The following FUT9 variants were observed in gnomAD, a reference collection of about 807,000 sequenced individuals.
FUT9 encodes 4-galactosyl-N-acetylglucosaminide 3-alpha-L-fucosyltransferase 9.
In FUT9, 15 loss-of-function variants were observed where a neutral mutation model predicts 29.7. That is an observed-to-expected ratio of 0.51 (90% CI 0.34 to 0.78). The LOEUF (loss-of-function observed/expected upper bound fraction) is 0.78, where lower values mean the gene tolerates loss of function less well. Among genes scored for constraint, FUT9 ranks in the 30% least tolerant of loss-of-function variants. The pLI, the probability that FUT9 is intolerant of heterozygous loss-of-function variation, is 0.01. For missense variants in FUT9, 319 were observed against 425.4 expected (o/e 0.75, Z 2.20); for synonymous variants, 169 against 153.7 (o/e 1.10, Z -0.74).
intron 1 of FUT9, among the ~76,000 whole-genome samples, chr6:96,024,913 C>T (rs1770136710): frequency 6.6e-6 from 1 of 151,858 alleles, no homozygotes; most frequent in Admixed American, 6.6e-5. Context: ...AGGAGTAAAG[C>T]TTCCTTATAG....
At chr6:96,172,770 A>G (rs1480285648) in intron 2 of FUT9, among the ~76,000 whole-genome samples, 2 of 151,754 alleles carry the variant, frequency 1.3e-5, no homozygotes, top group Non-Finnish European at 2.9e-5. Flanking sequence ...CATGCACAAA[A>G]TTCTCATTTG....
At chr6:96,046,241 ACACC>A (rs1351309504) in intron 1 of FUT9, among the ~76,000 whole-genome samples, 3 of 150,824 alleles carry the variant, frequency 2.0e-5, no homozygotes, top group Non-Finnish European at 3.0e-5. Context: ...ACACACACAC[ACACC>A]CCTGAAGCAA....
At chr6:96,035,216 G>A (rs551840780) in intron 1 of FUT9, among the ~76,000 whole-genome samples, 1 of 150,824 alleles carries the variant, frequency 6.6e-6, no homozygotes, top group East Asian at 2.0e-4. Context: ...AGGAAATGAG[G>A]AAAAAAGAGA....
In FUT9 at chr6:96,205,629, T is replaced by A. The variant is rs545633519; in HGVS notation, c.*1394T>A. 1 of 166,850 alleles carries A rather than the reference T, an allele frequency of 6.0e-6. No individual in the cohort carries two copies. The highest frequency in any genetic ancestry group is 1.9e-4 in the East Asian group (1 of 5,172). 10.3% of individuals were successfully genotyped at this position (166,850 alleles called of 1,614,324 possible). ...GAGGAGAGCTGGATATAAGCAGAGA[T>A]CGTAGGTGAAAAAAGATGGGCCATT... is the stretch of plus-strand genomic sequence containing the variant. On this transcript the variant is annotated 3_prime_UTR_variant, in exon 3 of 3. Coordinates refer to ENST00000302103, the MANE Select transcript of FUT9 (RefSeq NM_006581.4).
intron 1 of FUT9, among the ~76,000 whole-genome samples, chr6:96,046,412 C>A (rs549232762): frequency 2.6e-5 from 4 of 152,274 alleles, no homozygotes; most frequent in Middle Eastern, 6.8e-3. Flanking sequence ...TATTAACCTA[C>A]AACTCCATTT....
At chr6:96,062,152 C>T (rs1429073884) in intron 1 of FUT9, among the ~76,000 whole-genome samples, 1 of 151,896 alleles carries the variant, frequency 6.6e-6, no homozygotes, top group East Asian at 1.9e-4. Context: ...AGCAAACCTG[C>T]ATGTTCTGCA....
intron 2 of FUT9, among the ~76,000 whole-genome samples, chr6:96,139,818 T>A (rs1207103533): frequency 6.6e-6 from 1 of 152,070 alleles, no homozygotes; most frequent in South Asian, 2.1e-4. Flanking sequence ...GGGCACCATG[T>A]CCTGAGGCTG....
intron 1 of FUT9, among the ~76,000 whole-genome samples, chr6:96,109,093 T>C (rs1281589652): frequency 6.6e-6 from 1 of 152,242 alleles, no homozygotes; most frequent in Non-Finnish European, 1.5e-5. Flanking sequence ...ATGACCTCTT[T>C]TGGCAGCAAT....
chr6:96,084,895 G>T (rs1582218749), intron 1 of FUT9, among the ~76,000 whole-genome samples: 2 of 152,084 alleles, frequency 1.3e-5, no homozygotes, highest in East Asian at 3.9e-4. Flanking sequence ...TGTTTCGTGT[G>T]TGTCTATTAT....
In FUT9 at chr6:96,156,656, T is replaced by G. The variant is rs1772791184; in HGVS notation, c.-9+42529T>G. On this transcript the variant is annotated intron_variant, in intron 2 of 2. Coordinates refer to ENST00000302103, the MANE Select transcript of FUT9 (RefSeq NM_006581.4). ...AGCCTGCTGTACAAGTTCCCTTATC[T>G]GCACAAAATATCTGGTGTAGGCACT... 6.6e-5 allele frequency among the ~76,000 whole-genome samples: 10 copies of G among 152,176 alleles called. No individual in the cohort carries two copies. In the South Asian group the frequency reaches 2.1e-3, roughly 32 times the overall value.
At chr6:96,071,652 T>C (rs977273334) in intron 1 of FUT9, among the ~76,000 whole-genome samples, 33 of 152,296 alleles carry the variant, frequency 2.2e-4, no homozygotes, top group Middle Eastern at 3.4e-3. Context: ...TAACCATTAC[T>C]ACATCAACAA....
intron 1 of FUT9, among the ~76,000 whole-genome samples, chr6:96,026,115 A>T: frequency 9.4e-6 from 1 of 106,896 alleles, no homozygotes; most frequent in East Asian, 4.0e-4. Flanking sequence ...TTCTTAAAAC[A>T]GTTCAAAACA....
chr6:96,081,234 CTAAT>C (rs1771232225), intron 1 of FUT9, among the ~76,000 whole-genome samples: 1 of 151,818 alleles, frequency 6.6e-6, no homozygotes, highest in African/African-American at 2.4e-5. Flanking sequence ...TCCTTAAATG[CTAAT>C]TAAATTGCCA....
chr6:96,110,495 TG>T (rs1771779833), intron 1 of FUT9, among the ~76,000 whole-genome samples: 2 of 152,154 alleles, frequency 1.3e-5, no homozygotes, highest in African/African-American at 4.8e-5. Context: ...GCAAAAACCC[TG>T]AGCATCCCCT....
intron 2 of FUT9, among the ~76,000 whole-genome samples, chr6:96,171,256 T>A (rs1773107213): frequency 6.6e-6 from 1 of 152,166 alleles, no homozygotes; most frequent in Non-Finnish European, 1.5e-5. Context: ...CAACCCGCAT[T>A]TGGATGAGAG....
chr6:96,161,241 A>G (rs777225755), intron 2 of FUT9, among the ~76,000 whole-genome samples: 4 of 152,124 alleles, frequency 2.6e-5, no homozygotes, highest in Non-Finnish European at 5.9e-5. Context: ...ATGAGTACAG[A>G]GCTCTCCTGG....
chr6:96,079,366 A>C (rs540277937), intron 1 of FUT9, among the ~76,000 whole-genome samples: 1 of 152,292 alleles, frequency 6.6e-6, no homozygotes, highest in Admixed American at 6.5e-5. Context: ...GAAGTCAGTT[A>C]CTACTCTCGA....
At chr6:96,142,566 G>C (rs1021649842) in intron 2 of FUT9, among the ~76,000 whole-genome samples, 2 of 152,148 alleles carry the variant, frequency 1.3e-5, no homozygotes, top group African/African-American at 4.8e-5. Flanking sequence ...ACAACTAAGT[G>C]AATCTGATCC....
At chr6:96,124,650 T>C (rs1772099242) in intron 2 of FUT9, among the ~76,000 whole-genome samples, 1 of 152,116 alleles carries the variant, frequency 6.6e-6, no homozygotes, top group African/African-American at 2.4e-5. Context: ...TTTTTCTGAC[T>C]CTCATCCTCC....
Sources: allele counts gnomAD v4.1 joint callset (sites outside exome capture counted in the v4.1 genomes callset), GRCh38; gene constraint gnomAD v4.1.1; transcripts MANE v1.5; gene names NCBI Gene and HGNC (gene_info 2026-07-23, HGNC 2026-07-21).